DRC5: variants seen among roughly 807,000 people sequenced by gnomAD.
DRC5 encodes the protein dynein regulatory complex subunit 5.
the DRC5 span, chr6:44,287,557 T>A: frequency 6.2e-7 from 1 of 1,607,380 alleles, no homozygotes; most frequent in South Asian, 1.1e-5. Flanking sequence ...ACTCTGGAAG[T>A]TCCTGATAAT....
the DRC5 span, among the ~76,000 whole-genome samples, chr6:44,291,644 G>A: frequency 1.3e-5 from 2 of 152,172 alleles, no homozygotes; most frequent in Non-Finnish European, 2.9e-5. Flanking sequence ...TCAGAATTCC[G>A]CCATGGTCGT....
At chr6:44,291,037 G>A in the DRC5 span, among the ~76,000 whole-genome samples, 2 of 152,302 alleles carry the variant, frequency 1.3e-5, no homozygotes, top group East Asian at 1.9e-4. Flanking sequence ...AGGACCCATC[G>A]GGGCATGTTC....
the DRC5 span, chr6:44,282,467 G>A: frequency 6.2e-7 from 1 of 1,612,674 alleles, no homozygotes; most frequent in African/African-American, 1.3e-5. Flanking sequence ...TTTGTGACAA[G>A]TCCAGCTCCT....
At chr6:44,281,570 A>C in the DRC5 span, among the ~76,000 whole-genome samples, 777 of 152,246 alleles carry the variant, frequency 5.1e-3, 4 homozygotes, top group African/African-American at 0.017. Context: ...TTTTTAGTAG[A>C]TATGGGGTTT....
chr6:44,280,268 G>T, the DRC5 span: 1 of 1,614,246 alleles, frequency 6.2e-7, no homozygotes, highest in Non-Finnish European at 8.5e-7. Flanking sequence ...CTGCTTCTCG[G>T]TTTGCGTAGA....
chr6:44,289,084 C>T, the DRC5 span, among the ~76,000 whole-genome samples: 5 of 111,786 alleles, frequency 4.5e-5, no homozygotes, highest in Non-Finnish European at 8.3e-5. Context: ...GTTGCCCAGG[C>T]TGGAGTGCAA....
chr6:44,286,169 G>C, the DRC5 span: 34 of 1,612,896 alleles, frequency 2.1e-5, no homozygotes, highest in Non-Finnish European at 2.9e-5. Flanking sequence ...CTCGCTGCCT[G>C]AGTCGGACTG....
chr6:44,284,957 G>A, the DRC5 span, among the ~76,000 whole-genome samples: 1 of 152,182 alleles, frequency 6.6e-6, no homozygotes, highest in Non-Finnish European at 1.5e-5. Flanking sequence ...ACCCTTGGAT[G>A]GTGTCCCAGA....
the DRC5 span, chr6:44,280,143 A>C: frequency 3.2e-6 from 5 of 1,572,164 alleles, no homozygotes; most frequent in African/African-American, 4.0e-5. Flanking sequence ...GTATGAAATG[A>C]GGGATGGGGC....
At chr6:44,293,023 C>T in the DRC5 span, among the ~76,000 whole-genome samples, 4 of 152,100 alleles carry the variant, frequency 2.6e-5, no homozygotes, top group South Asian at 2.1e-4. Context: ...AAGGTCCTGC[C>T]CCATTTTGAC....
At chr6:44,286,726 G>T in the DRC5 span, among the ~76,000 whole-genome samples, 1 of 152,176 alleles carries the variant, frequency 6.6e-6, no homozygotes, top group Admixed American at 6.5e-5. Context: ...GATGTTCCCT[G>T]CCTGAAGGTG....
chr6:44,297,664 C>G, the DRC5 span: 1 of 152,148 alleles, frequency 6.6e-6, no homozygotes, highest in South Asian at 2.1e-4. Flanking sequence ...CTCACCCGCT[C>G]CGGGAGCCCC....
the DRC5 span, chr6:44,280,152 G>A: frequency 1.9e-6 from 3 of 1,590,108 alleles, no homozygotes; most frequent in African/African-American, 2.7e-5. Flanking sequence ...GAGGGATGGG[G>A]CTGGGGCCAT....
chr6:44,286,578 A>T, the DRC5 span: 1 of 1,513,062 alleles, frequency 6.6e-7, no homozygotes, highest in Non-Finnish European at 9.0e-7. Flanking sequence ...GTGTTGGGGG[A>T]CACCTCAACA....
chr6:44,282,138 A>C, the DRC5 span: 1 of 1,614,084 alleles, frequency 6.2e-7, no homozygotes, highest in Non-Finnish European at 8.5e-7. Flanking sequence ...GGACAGGTTG[A>C]TGCTGGTGAG....
the DRC5 span, among the ~76,000 whole-genome samples, chr6:44,284,335 T>A: frequency 6.6e-6 from 1 of 152,076 alleles, no homozygotes; most frequent in Admixed American, 6.6e-5. Context: ...CTCCTCCCTC[T>A]GGCTTCCTGG....
the DRC5 span, chr6:44,287,833 G>A: frequency 1.9e-6 from 3 of 1,611,328 alleles, no homozygotes; most frequent in Admixed American, 3.3e-5. Context: ...CATGCTGGAG[G>A]CTGGCAAGGT....
chr6:44,285,942 G>C, the DRC5 span: 6 of 1,589,442 alleles, frequency 3.8e-6, no homozygotes, highest in Non-Finnish European at 5.2e-6. Context: ...GGGGTGGGGG[G>C]AAGGCTGGGA....
the DRC5 span, chr6:44,279,613 T>C: frequency 2.6e-5 from 4 of 152,220 alleles, no homozygotes; most frequent in African/African-American, 9.7e-5. Flanking sequence ...CCTTCCCAGG[T>C]TGGGAGTTGG....
Sources: gnomAD v4.1 joint callset for allele counts (sites outside exome capture counted in the v4.1 genomes callset) on GRCh38, gnomAD v4.1.1 for gene constraint, MANE v1.5 for transcripts, NCBI Gene and HGNC (gene_info 2026-07-23, HGNC 2026-07-21) for gene names.